Variants in SLC2A13 observed in about 807,000 individuals in gnomAD.
SLC2A13 encodes solute carrier family 2 member 13.
SLC2A13 carries 32 observed loss-of-function variants against 64.4 expected under a neutral mutation model. The observed-to-expected ratio is 0.50, with a 90% confidence interval of 0.37 to 0.67. SLC2A13 has a LOEUF of 0.67. SLC2A13 is among the 30% of genes least tolerant of loss of function. The pLI is 0.00. For missense variants in SLC2A13, 743 were observed against 829.2 expected (o/e 0.90, Z 1.28); for synonymous variants, 338 against 327.1 (o/e 1.03, Z -0.36).
At chr12:39,968,387 TG>T (rs1470618353) in intron 3 of SLC2A13, among the ~76,000 whole-genome samples, 3 of 152,066 alleles carry the variant, frequency 2.0e-5, no homozygotes, top group Non-Finnish European at 4.4e-5. Context: ...CCAAGATGCA[TG>T]GGGATTATGG....
intron 4 of SLC2A13, among the ~76,000 whole-genome samples, chr12:39,922,723 T>C (rs1001946058): frequency 3.3e-5 from 5 of 152,202 alleles, no homozygotes; most frequent in Non-Finnish European, 1.5e-5. Flanking sequence ...TATTGCATTT[T>C]ACATTGCCAA....
At chr12:39,867,778 G>A (rs1022310857) in intron 5 of SLC2A13, among the ~76,000 whole-genome samples, 1 of 152,090 alleles carries the variant, frequency 6.6e-6, no homozygotes, top group Admixed American at 6.5e-5. Context: ...CTGGCTTCCT[G>A]TTGGAAGCAA....
chr12:40,017,976 TAA>T (rs5797648), intron 3 of SLC2A13, among the ~76,000 whole-genome samples: 7 of 128,548 alleles, frequency 5.4e-5, no homozygotes, highest in Admixed American at 1.6e-4. Context: ...TGCACATATT[TAA>T]AAAAAAAAAA....
chr12:40,104,769 C>G (rs1181366367), intron 1 of SLC2A13, among the ~76,000 whole-genome samples: 1 of 152,186 alleles, frequency 6.6e-6, no homozygotes, highest in Non-Finnish European at 1.5e-5. Context: ...AATTACTTAA[C>G]TCTAAATATT....
intron 1 of SLC2A13, among the ~76,000 whole-genome samples, chr12:40,091,178 T>C (rs1489161461): frequency 6.6e-6 from 1 of 152,166 alleles, no homozygotes; most frequent in African/African-American, 2.4e-5. Context: ...AAATGCAGTA[T>C]TATAATCTTA....
chr12:39,790,080 T>C (rs1302892294), intron 7 of SLC2A13, among the ~76,000 whole-genome samples: 1 of 151,236 alleles, frequency 6.6e-6, no homozygotes, highest in Non-Finnish European at 1.5e-5. Context: ...AATTTCAATA[T>C]ATATTCAATA....
chr12:39,798,663 G>A (rs866719777), intron 7 of SLC2A13, among the ~76,000 whole-genome samples: 7 of 152,120 alleles, frequency 4.6e-5, no homozygotes, highest in African/African-American at 7.2e-5. Context: ...GGAACAGCCC[G>A]GGCTAGTGCT....
intron 5 of SLC2A13, among the ~76,000 whole-genome samples, chr12:39,868,205 A>G (rs1191766520): frequency 1.3e-5 from 2 of 152,152 alleles, no homozygotes; most frequent in South Asian, 2.1e-4. Flanking sequence ...TAGTTTTGGC[A>G]TGTTCTTTAT....
rs1461489135 is a variant in SLC2A13 at position 39,895,537 on chromosome 12, TATATATATATATATACAC to T, written c.1035-23594_1035-23577del. 2.8e-5 allele frequency among the ~76,000 whole-genome samples: 3 copies of T among 106,156 alleles called. No homozygotes were observed. The Admixed American group carries it at 3.1e-4, about 11-fold the overall frequency. The allele number at this position is 106,156 out of a possible 152,430, so 69.6% of individuals were successfully genotyped here. Reference sequence around the variant, plus strand: ...AATTATATATATATATATATATATATATATATATATATATACACACACACACACACGTGTATATGTATA... The same window carrying T: ...AATTATATATATATATATATATATATACACACACACACGTGTATATGTATA... On this transcript the variant is annotated intron_variant, in intron 4 of 9. Coordinates refer to ENST00000280871, the MANE Select transcript of SLC2A13 (RefSeq NM_052885.4).
chr12:39,804,012 T>TG (rs922457452), intron 7 of SLC2A13, among the ~76,000 whole-genome samples: 1 of 151,426 alleles, frequency 6.6e-6, no homozygotes, highest in African/African-American at 2.4e-5. Flanking sequence ...GAAGAAGAAA[T>TG]GTCTGAATTC....
At chr12:39,828,774 A>G (rs1018046116) in intron 7 of SLC2A13, among the ~76,000 whole-genome samples, 1 of 152,100 alleles carries the variant, frequency 6.6e-6, no homozygotes, top group African/African-American at 2.4e-5. Context: ...GAACAAGTAC[A>G]TCTAGAAATA....
chr12:40,060,789 G>A (rs1002362315), intron 1 of SLC2A13, among the ~76,000 whole-genome samples: 1 of 152,130 alleles, frequency 6.6e-6, no homozygotes, highest in African/African-American at 2.4e-5. Flanking sequence ...ATCCCAAATG[G>A]ATAGTGCAAG....
intron 7 of SLC2A13, among the ~76,000 whole-genome samples, chr12:39,815,459 A>G (rs1194899015): frequency 1.3e-5 from 2 of 152,164 alleles, no homozygotes; most frequent in Non-Finnish European, 2.9e-5. Flanking sequence ...CGTAGGCTGG[A>G]GCATTCTTTC....
intron 1 of SLC2A13, among the ~76,000 whole-genome samples, chr12:40,051,575 C>T (rs1292066249): frequency 3.3e-5 from 5 of 152,214 alleles, no homozygotes; most frequent in Admixed American, 3.3e-4. Flanking sequence ...AGCAAAGGGA[C>T]CGGCCCAGCC....
In SLC2A13 at chr12:39,756,848, G is replaced by T. The variant is rs1459449741; in HGVS notation, c.*3178C>A. ...TTTAGACTCTTATGTACTAAAATCA[G>T]GTTCAGTGGTAAAATTAAATTATGA... On this transcript the variant is annotated 3_prime_UTR_variant, in exon 10 of 10. Coordinates refer to ENST00000280871, the MANE Select transcript of SLC2A13 (RefSeq NM_052885.4). 1 of 151,534 alleles carries T rather than the reference G, an allele frequency of 6.6e-6. No homozygotes were observed. Among genetic ancestry groups the T allele is most frequent in the Admixed American group, 6.6e-5 (1 of 15,176 alleles). The allele number at this position is 151,534 out of a possible 1,614,324, so 9.4% of individuals were successfully genotyped here.
intron 7 of SLC2A13, among the ~76,000 whole-genome samples, chr12:39,803,033 A>C (rs1941846134): frequency 6.6e-6 from 1 of 152,160 alleles, no homozygotes; most frequent in Non-Finnish European, 1.5e-5. Context: ...TGAAGGCAGA[A>C]ATTTCTAAAT....
chr12:39,830,508 T>C (rs1942823983), intron 6 of SLC2A13: 1 of 1,104,158 alleles, frequency 9.1e-7, no homozygotes, highest in Non-Finnish European at 1.1e-6. Context: ...CCCATCAATC[T>C]GGAGCAAATA....
chr12:39,925,625 C>G (rs930441037), intron 4 of SLC2A13, among the ~76,000 whole-genome samples: 2 of 152,080 alleles, frequency 1.3e-5, no homozygotes, highest in Non-Finnish European at 2.9e-5. Context: ...AGCTATGGTT[C>G]AGAAACTATA....
At chr12:39,873,009 A>C (rs1944093590) in intron 4 of SLC2A13, among the ~76,000 whole-genome samples, 4 of 152,204 alleles carry the variant, frequency 2.6e-5, no homozygotes, top group Admixed American at 2.6e-4. Flanking sequence ...TTCAAAAATC[A>C]AATCTGTTTT....
Sources: gnomAD v4.1 joint callset for allele counts (sites outside exome capture counted in the v4.1 genomes callset) on GRCh38, gnomAD v4.1.1 for gene constraint, MANE v1.5 for transcripts, NCBI Gene and HGNC (gene_info 2026-07-23, HGNC 2026-07-21) for gene names.